The following RAB3GAP1 variants were observed in gnomAD, a reference collection of about 807,000 sequenced individuals.
RAB3GAP1 encodes the protein rab3 GTPase-activating protein catalytic subunit.
A neutral mutation model predicts 130.7 loss-of-function variants in RAB3GAP1; 86 were observed. The ratio of observed to expected loss-of-function variants is 0.66; its 90% CI spans 0.55 to 0.79. RAB3GAP1 has a LOEUF of 0.79. Ranked by LOEUF, RAB3GAP1 falls within the 30% of genes least tolerant of loss-of-function variation. The pLI, the probability that RAB3GAP1 is intolerant of heterozygous loss-of-function variation, is 0.00. For missense variants in RAB3GAP1, 1,029 were observed against 1,169.4 expected (o/e 0.88, Z 1.75); for synonymous variants, 367 against 401.7 (o/e 0.91, Z 1.03).
chr2:135,079,002 G>A (rs1689710350), intron 3 of RAB3GAP1, among the ~76,000 whole-genome samples: 1 of 151,992 alleles, frequency 6.6e-6, no homozygotes, highest in Admixed American at 6.6e-5. Context: ...TGAGTAGCTG[G>A]GATTACAGGC....
intron 14 of RAB3GAP1, 27 bp from the exon 15 acceptor site, chr2:135,133,834 G>C: frequency 6.2e-7 from 1 of 1,603,356 alleles, no homozygotes; most frequent in Non-Finnish European, 8.5e-7. Flanking sequence ...TAACAAGTTT[G>C]CTTTGTTTCT....
chr2:135,171,297 G>A (rs961721786), downstream of RAB3GAP1, among the ~76,000 whole-genome samples: 7 of 152,098 alleles, frequency 4.6e-5, no homozygotes, highest in African/African-American at 1.7e-4. Flanking sequence ...TGCCTTTGGG[G>A]CGGTAGTGAG....
At chr2:135,061,802 A>G (rs1458793710) in intron 3 of RAB3GAP1, among the ~76,000 whole-genome samples, 1 of 152,062 alleles carries the variant, frequency 6.6e-6, no homozygotes, top group Non-Finnish European at 1.5e-5. Context: ...GTTAAGGTCT[A>G]TGATTTATTT....
rs757899111 is a variant in RAB3GAP1, at chr2:135,130,107, A to G, written c.1066+20A>G. The G allele has an allele frequency of 1.8e-5, 28 of 1,544,812 alleles. No homozygotes were observed. Among genetic ancestry groups the G allele is most frequent in the Admixed American group, 1.7e-5 (1 of 59,720 alleles). On this transcript the variant is annotated intron_variant, in intron 12 of 23. Coordinates refer to ENST00000264158, the MANE Select transcript of RAB3GAP1 (RefSeq NM_012233.3). Reference sequence around the variant, plus strand: ...GCAAAGGTAACCTACATTTTTTTTTAACATTACTTTCAAATGTCTTACTGT... The same window carrying G: ...GCAAAGGTAACCTACATTTTTTTTTGACATTACTTTCAAATGTCTTACTGT...
At chr2:135,070,343 A>G (rs1192713648) in intron 3 of RAB3GAP1, among the ~76,000 whole-genome samples, 1 of 152,118 alleles carries the variant, frequency 6.6e-6, no homozygotes. Flanking sequence ...AATGACTTGG[A>G]GCTGTTCAGG....
At chr2:135,067,760 G>T (rs1689361125) in intron 3 of RAB3GAP1, among the ~76,000 whole-genome samples, 1 of 152,172 alleles carries the variant, frequency 6.6e-6, no homozygotes, top group Admixed American at 6.5e-5. Flanking sequence ...AGAGGGTCTT[G>T]CTGTTACCCA....
chr2:135,128,298 A>T (rs1317124850), intron 11 of RAB3GAP1, among the ~76,000 whole-genome samples: 1 of 152,206 alleles, frequency 6.6e-6, no homozygotes, highest in East Asian at 1.9e-4. Flanking sequence ...TCCTGGATTC[A>T]CCAGGTTGGT....
At chr2:135,098,707 TC>T (rs1690368665) in intron 5 of RAB3GAP1, among the ~76,000 whole-genome samples, 1 of 152,238 alleles carries the variant, frequency 6.6e-6, no homozygotes, top group Admixed American at 6.5e-5. Flanking sequence ...CTGATTTCTT[TC>T]AGCAGTGTCT....
intron 3 of RAB3GAP1, among the ~76,000 whole-genome samples, chr2:135,080,325 T>C (rs1052311977): frequency 2.6e-5 from 4 of 152,164 alleles, no homozygotes; most frequent in Admixed American, 2.0e-4. Context: ...GTATATGCAA[T>C]TGGAGTAATT....
intron 7 of RAB3GAP1, among the ~76,000 whole-genome samples, chr2:135,117,585 T>TCTG (rs1691036525): frequency 1.5e-5 from 2 of 130,382 alleles, no homozygotes; most frequent in Non-Finnish European, 3.4e-5. Flanking sequence ...TTCTTCTGCT[T>TCTG]CTTCTTCTGC....
chr2:135,068,295 CT>C (rs1689378173), intron 3 of RAB3GAP1, among the ~76,000 whole-genome samples: 1 of 151,944 alleles, frequency 6.6e-6, no homozygotes, highest in Non-Finnish European at 1.5e-5. Context: ...TTTCCTAATT[CT>C]TTTATATATT....
In RAB3GAP1 at chr2:135,107,859, C is replaced by A. The variant is rs1393451455; in HGVS notation, c.363-5292C>A. On this transcript the variant is annotated intron_variant, in intron 5 of 23. Transcript: ENST00000264158. ...GTGTGGTGGCACATGCCTGTAATCC[C>A]AGCTACTCAGGAGGCTGAGACAGGA... Among the ~76,000 whole-genome samples the A allele has an allele frequency of 3.3e-5, 5 of 151,396 alleles. No individual in the cohort carries two copies. In the South Asian group the frequency reaches 1.0e-3, roughly 32 times the overall value.
chr2:135,112,815 G>GTT (rs1462052320), intron 5 of RAB3GAP1, among the ~76,000 whole-genome samples: 2 of 146,912 alleles, frequency 1.4e-5, no homozygotes, highest in Non-Finnish European at 3.0e-5. Context: ...AACTGTCAAA[G>GTT]TCTCTCTCTC....
At chr2:135,058,894 T>C (rs1009885048) in intron 3 of RAB3GAP1, 2 of 152,170 alleles carry the variant, frequency 1.3e-5, no homozygotes, top group Non-Finnish European at 2.9e-5. Flanking sequence ...ACTCAGTAAT[T>C]ATTAATTCAA....
At chr2:135,060,384 C>T (rs903158084) in intron 3 of RAB3GAP1, among the ~76,000 whole-genome samples, 1 of 151,396 alleles carries the variant, frequency 6.6e-6, no homozygotes, top group Non-Finnish European at 1.5e-5. Context: ...CTCAGCCTCC[C>T]AAGTGGCTGC....
chr2:135,106,110 C>G (rs552915177), intron 5 of RAB3GAP1, among the ~76,000 whole-genome samples: 1 of 151,768 alleles, frequency 6.6e-6, no homozygotes, highest in Non-Finnish European at 1.5e-5. Context: ...GGTCAGCCCC[C>G]GCCCTGCCAG....
chr2:135,113,410 GAGGTT>G, intron 6 of RAB3GAP1, 140 bp downstream of exon 6: 1 of 1,112,868 alleles, frequency 9.0e-7, no homozygotes, highest in African/African-American at 1.6e-5. Context: ...AATTTGACTT[GAGGTT>G]ACCTCTGTAT....
intron 17 of RAB3GAP1, among the ~76,000 whole-genome samples, chr2:135,148,849 G>A (rs1692082937): frequency 1.3e-5 from 2 of 151,840 alleles, no homozygotes; most frequent in South Asian, 2.1e-4. Flanking sequence ...TTAAACTGAT[G>A]TCCTAGATTC....
chr2:135,162,638 G>A lies in RAB3GAP1; in HGVS notation c.2373G>A (p.Lys791=). The A allele has an allele frequency of 6.2e-7, 1 of 1,613,866 alleles. No homozygotes were observed. The highest frequency in any genetic ancestry group is 8.5e-7 in the Non-Finnish European group (1 of 1,179,790). The change falls in exon 20 of 24, where the codon AAG becomes AAA. Residue 791 remains lysine (K), a synonymous_variant. Coordinates refer to ENST00000264158, the MANE Select transcript of RAB3GAP1 (RefSeq NM_012233.3). The part of the protein sequence containing the change: ...LPCVIHAAVL[K]VKEEESLENI... Reference sequence around the variant, plus strand: ...GTGTGATTCATGCAGCTGTACTCAAGGTAAAGGAAGAAGGTAAATGTCATA... The same window carrying A: ...GTGTGATTCATGCAGCTGTACTCAAAGTAAAGGAAGAAGGTAAATGTCATA...
Sources: allele counts gnomAD v4.1 joint callset (sites outside exome capture counted in the v4.1 genomes callset), GRCh38; gene constraint gnomAD v4.1.1; transcripts MANE v1.5; gene names NCBI Gene and HGNC (gene_info 2026-07-23, HGNC 2026-07-21).